Variants in PTPRT observed in about 807,000 individuals in gnomAD.
PTPRT encodes receptor-type tyrosine-protein phosphatase T.
Under a neutral mutation model 176.8 loss-of-function variants are expected in PTPRT, and 56 were observed. The observed-to-expected ratio is 0.32, with a 90% CI of 0.26 to 0.40. The LOEUF is 0.40. Among genes scored for constraint, PTPRT ranks in the 10% least tolerant of loss-of-function variants. The pLI is 1.00. For missense variants in PTPRT, 1,540 were observed against 1,908.2 expected (o/e 0.81, Z 3.60); for synonymous variants, 783 against 739.0 (o/e 1.06, Z -0.96).
At chr20:42,391,347 G>A (rs1431631351) in intron 9 of PTPRT, among the ~76,000 whole-genome samples, 2 of 152,188 alleles carry the variant, frequency 1.3e-5, no homozygotes, top group East Asian at 3.9e-4. Context: ...AGTCTGAAAA[G>A]CTGGAGGAGG....
At chr20:42,612,655 G>A (rs1241351894) in intron 7 of PTPRT, among the ~76,000 whole-genome samples, 1 of 152,036 alleles carries the variant, frequency 6.6e-6, no homozygotes, top group African/African-American at 2.4e-5. Context: ...CTCCACAGAT[G>A]CCAGCCAGCT....
chr20:42,993,276 G>A (rs569848359), intron 1 of PTPRT, among the ~76,000 whole-genome samples: 1 of 150,804 alleles, frequency 6.6e-6, no homozygotes, highest in Non-Finnish European at 1.5e-5. Flanking sequence ...AAATTAGCCG[G>A]GCGTGGTGGC....
At chr20:42,095,226 C>A (rs965546510) in intron 27 of PTPRT, among the ~76,000 whole-genome samples, 1 of 152,224 alleles carries the variant, frequency 6.6e-6, no homozygotes, top group Non-Finnish European at 1.5e-5. Context: ...CTCAACACAG[C>A]AGCCAGAGGG....
At chr20:42,565,459 T>C (rs1224774748) in intron 7 of PTPRT, among the ~76,000 whole-genome samples, 1 of 151,874 alleles carries the variant, frequency 6.6e-6, no homozygotes. Context: ...ACACACGTTT[T>C]TCTCATGCCC....
intron 7 of PTPRT, among the ~76,000 whole-genome samples, chr20:42,480,792 G>A (rs1358056083): frequency 2.0e-5 from 3 of 152,132 alleles, no homozygotes; most frequent in South Asian, 2.1e-4. Context: ...TAAGGTGAAC[G>A]AGGATTAACG....
At chr20:42,553,481 C>T (rs1414007693) in intron 7 of PTPRT, among the ~76,000 whole-genome samples, 1 of 151,952 alleles carries the variant, frequency 6.6e-6, no homozygotes. Flanking sequence ...TTTCTCCTTT[C>T]CCCCAACACT....
At chr20:42,161,578 A>G (rs549619041) in intron 16 of PTPRT, 36 bp from the exon 17 acceptor site, 1 of 1,551,430 alleles carries the variant, frequency 6.4e-7, no homozygotes, top group South Asian at 1.3e-5. Context: ...ATCATCACCT[A>G]TAGAAGCTTT....
At chr20:43,094,228 C>G (rs1214750289) in intron 1 of PTPRT, among the ~76,000 whole-genome samples, 2 of 151,154 alleles carry the variant, frequency 1.3e-5, no homozygotes, top group East Asian at 3.9e-4. Context: ...GCTGGGGCTA[C>G]AGGCCTGCAC....
chr20:43,041,960 C>T (rs573711678), intron 1 of PTPRT, among the ~76,000 whole-genome samples: 3 of 152,160 alleles, frequency 2.0e-5, no homozygotes, highest in Non-Finnish European at 4.4e-5. Flanking sequence ...TCACTCAAAT[C>T]GAAAGAGAAC....
At chr20:42,723,057 G>T (rs550135330) in intron 6 of PTPRT, among the ~76,000 whole-genome samples, 3 of 152,266 alleles carry the variant, frequency 2.0e-5, no homozygotes, top group African/African-American at 7.2e-5. Flanking sequence ...GTAATAATAT[G>T]AATATAACCT....
chr20:42,852,072 T>C (rs1568635425), intron 2 of PTPRT, among the ~76,000 whole-genome samples: 1 of 152,260 alleles, frequency 6.6e-6, no homozygotes, highest in East Asian at 1.9e-4. Flanking sequence ...AGTATTAAGT[T>C]ATTTTATAAC....
intron 7 of PTPRT, among the ~76,000 whole-genome samples, chr20:42,574,523 GCA>G (rs1485087573): frequency 1.3e-5 from 2 of 152,164 alleles, no homozygotes; most frequent in African/African-American, 4.8e-5. Context: ...AAGAGACAGT[GCA>G]CCCAATGTCC....
the PTPRT span, among the ~76,000 whole-genome samples, chr20:42,062,238 A>G: frequency 6.6e-6 from 1 of 152,296 alleles, no homozygotes; most frequent in Admixed American, 6.5e-5. Context: ...AGAGGGGTGT[A>G]CTGTGACTTT....
intron 2 of PTPRT, among the ~76,000 whole-genome samples, chr20:42,811,802 T>A (rs2077701876): frequency 6.6e-6 from 1 of 152,200 alleles, no homozygotes; most frequent in Non-Finnish European, 1.5e-5. Context: ...TCATTACTTA[T>A]CATCAATCCT....
At chr20:43,140,998 C>A (rs1356580380) in intron 1 of PTPRT, among the ~76,000 whole-genome samples, 1 of 152,218 alleles carries the variant, frequency 6.6e-6, no homozygotes, top group Non-Finnish European at 1.5e-5. Flanking sequence ...TAGAAATCCA[C>A]ATTCAATAAG....
chr20:43,143,199 C>A (rs976594044), intron 1 of PTPRT, among the ~76,000 whole-genome samples: 3 of 152,104 alleles, frequency 2.0e-5, no homozygotes, highest in Non-Finnish European at 2.9e-5. Context: ...CCCAACAATC[C>A]CCCTACCTGA....
chr20:42,061,040 T>C, the PTPRT span, among the ~76,000 whole-genome samples: 18 of 152,198 alleles, frequency 1.2e-4, no homozygotes, highest in African/African-American at 4.3e-4. Flanking sequence ...GGAACCTATA[T>C]CATAGTGTTG....
chr20:43,049,475 G>A lies in PTPRT; in HGVS notation c.88+140171C>T, dbSNP rs191881932. ...CCCAAGAAGAAGACAGTAAAAAGGA[G>A]TATAAACAAGAGGAAAAAAAGTATA... On this transcript the variant is annotated intron_variant, in intron 1 of 30. Coordinates refer to ENST00000373187, the MANE Select transcript of PTPRT (RefSeq NM_007050.6). 2.3e-3 allele frequency among the ~76,000 whole-genome samples: 354 copies of A among 152,242 alleles called. 3 individuals are homozygous for A. Among genetic ancestry groups the A allele is most frequent in the African/African-American group, 8.0e-3 (333 of 41,532 alleles).
chr20:43,048,487 G>A (rs1241692439), intron 1 of PTPRT, among the ~76,000 whole-genome samples: 2 of 152,076 alleles, frequency 1.3e-5, no homozygotes, highest in Admixed American at 6.5e-5. Flanking sequence ...TATAGAGAGA[G>A]GTTCAGGGGG....
Sources: allele counts gnomAD v4.1 joint callset (sites outside exome capture counted in the v4.1 genomes callset), GRCh38; gene constraint gnomAD v4.1.1; transcripts MANE v1.5; gene names NCBI Gene and HGNC (gene_info 2026-07-23, HGNC 2026-07-21).